Variants in RASGEF1C observed in about 807,000 individuals in gnomAD.
RASGEF1C encodes the protein RasGEF domain family member 1C, also known as ras-GEF domain-containing family member 1C.
In RASGEF1C, 27 loss-of-function variants were observed where a neutral mutation model predicts 58.1. The observed-to-expected ratio is 0.46, with a 90% CI of 0.34 to 0.64. The LOEUF (loss-of-function observed/expected upper bound fraction) is 0.64. Among genes scored for constraint, RASGEF1C ranks in the 30% least tolerant of loss-of-function variants. The pLI is 0.01. For missense variants in RASGEF1C, 502 were observed against 605.1 expected (o/e 0.83, Z 1.79); for synonymous variants, 243 against 246.3 (o/e 0.99, Z 0.13).
rs549573256 is a variant in RASGEF1C, at chr5:180,193,227, T to C, written c.-7+15801A>G. On this transcript the variant is annotated intron_variant, in intron 1 of 13. Coordinates refer to ENST00000361132, the MANE Select transcript of RASGEF1C (RefSeq NM_175062.4). The stretch of plus-strand genomic sequence containing the variant: ...CCCGCCACCGCACCCGGCTAATTTC[T>C]TGTATTTTTAGTAGAGACGGGGTTT... 2.3e-5 allele frequency among the ~76,000 whole-genome samples: 3 copies of C among 128,780 alleles called. No individual in the cohort carries two copies. The South Asian group carries it at 9.6e-4, about 41-fold the overall frequency. 84.5% of individuals were successfully genotyped at this position (128,780 alleles called of 152,430 possible). A position where few individuals can be genotyped will look rare whatever the true frequency, so the allele number is the denominator to read the frequency against.
Position 180,155,603 on chromosome 5 carries a change from G to T in RASGEF1C, c.-6-17545C>A, listed in dbSNP as rs1163858690. ...GGCCCGGCTTGCAGGCAATCTGTTG[G>T]ATGCGAGGCGACAGCACCAAGACCC... On this transcript the variant is annotated intron_variant, in intron 1 of 13. Coordinates refer to ENST00000361132, the MANE Select transcript of RASGEF1C (RefSeq NM_175062.4). The surrounding 1 kb of genome is among the most constrained non-coding windows in gnomAD (Gnocchi z 5.2). 6.6e-6 allele frequency among the ~76,000 whole-genome samples: 1 copy of T among 151,978 alleles called. No homozygotes were observed.
intron 5 of RASGEF1C, 55 bp downstream of exon 5, chr5:180,128,355 A>C: frequency 6.8e-6 from 10 of 1,481,442 alleles, no homozygotes; most frequent in Non-Finnish European, 9.4e-6. Context: ...GGCACAGTGT[A>C]TCTGTGTGTG....
chr5:180,111,132 A>G (rs1320442889), intron 12 of RASGEF1C, among the ~76,000 whole-genome samples: 1 of 152,134 alleles, frequency 6.6e-6, no homozygotes, highest in Non-Finnish European at 1.5e-5. Context: ...TCTTATCATC[A>G]TCCCCACTTT....
chr5:180,108,250 G>A (rs1226423273), intron 12 of RASGEF1C, among the ~76,000 whole-genome samples: 4 of 148,806 alleles, frequency 2.7e-5, no homozygotes, highest in African/African-American at 9.9e-5. Context: ...GGCCTAGGCT[G>A]GAGTGCAGTG....
Position 180,105,491 on chromosome 5 carries a change from G to A in RASGEF1C, c.1304-3348C>T, listed in dbSNP as rs1249975156. Among the ~76,000 whole-genome samples the A allele has an allele frequency of 4.6e-5, 7 of 152,168 alleles. 1 individual carries two copies. The South Asian group carries it at 6.2e-4, about 14-fold the overall frequency. ...GCAGGAGAATGGTGTGAACCCGGGA[G>A]GCGGAGGTTGCAGTGAGCCGCGACT... On this transcript the variant is annotated intron_variant, in intron 12 of 13. Coordinates refer to ENST00000361132, the MANE Select transcript of RASGEF1C (RefSeq NM_175062.4).
chr5:180,193,769 G>A (rs1302329703), intron 1 of RASGEF1C, among the ~76,000 whole-genome samples: 1 of 152,124 alleles, frequency 6.6e-6, no homozygotes, highest in Non-Finnish European at 1.5e-5. Flanking sequence ...ATTACAGACC[G>A]GCCATTAGAT....
chr5:180,118,815 A>G lies in RASGEF1C; in HGVS notation c.959T>C (p.Val320Ala), dbSNP rs1401955223. ...GAGGATGAAAAACTTGGCCGTCCTC[A>G]CTTTGGCCCAGGTCTTCTTCAGCCT... The part of the protein sequence containing the change: ...VSRLKKTWAK[V>A]RTAKFFILEH... Residue 320 changes from valine (V) to alanine (A), a missense_variant, in exon 9 of 14, where the codon GTG (valine) becomes GCG (alanine). Physicochemically the swap from Val to Ala is moderately conservative, Grantham distance 64. Coordinates refer to ENST00000361132, the MANE Select transcript of RASGEF1C (RefSeq NM_175062.4). 6.2e-7 allele frequency: 1 copy of G among 1,614,102 alleles called. No individual in the cohort carries two copies. Among genetic ancestry groups the G allele is most frequent in the Non-Finnish European group, 8.5e-7 (1 of 1,180,040 alleles).
intron 4 of RASGEF1C, among the ~76,000 whole-genome samples, chr5:180,130,288 G>A (rs1561737646): frequency 6.6e-6 from 1 of 152,184 alleles, no homozygotes; most frequent in South Asian, 2.1e-4. Context: ...GCGGGGTAGG[G>A]GGCAGGGGGC....
Position 180,156,920 on chromosome 5 carries a change from T to C in RASGEF1C, c.-6-18862A>G, listed in dbSNP as rs1325374624. Among the ~76,000 whole-genome samples, 1 of 152,078 alleles carries C rather than the reference T, an allele frequency of 6.6e-6. No homozygotes were observed. The highest frequency in any genetic ancestry group is 1.5e-5 in the Non-Finnish European group (1 of 68,014). On this transcript the variant is annotated intron_variant, in intron 1 of 13. Coordinates refer to ENST00000361132, the MANE Select transcript of RASGEF1C (RefSeq NM_175062.4). The surrounding 1 kb of genome is among the most constrained non-coding windows in gnomAD (Gnocchi z 4.9). ...GACGGAAAATAAGCATTTACAAAGG[T>C]GCTTCACATCATATGTCATCAGGGA...
At chr5:180,196,122 G>T (rs1462345022) in intron 1 of RASGEF1C, among the ~76,000 whole-genome samples, 8 of 152,114 alleles carry the variant, frequency 5.3e-5, no homozygotes, top group African/African-American at 1.2e-4. Flanking sequence ...CTATTCAATA[G>T]AACTCACTAG....
intron 12 of RASGEF1C, among the ~76,000 whole-genome samples, chr5:180,103,455 G>T (rs1443012125): frequency 7.9e-5 from 12 of 152,192 alleles, no homozygotes; most frequent in Admixed American, 7.9e-4. Flanking sequence ...GTGAGTGACT[G>T]TAAATGGTAT....
chr5:180,182,059 G>A (rs1035583112), intron 1 of RASGEF1C, among the ~76,000 whole-genome samples: 1 of 151,752 alleles, frequency 6.6e-6, no homozygotes, highest in Non-Finnish European at 1.5e-5. Context: ...AAAAAAATTA[G>A]CCGGGCATGG....
chr5:180,208,371 G>A (rs1010665939), intron 1 of RASGEF1C, among the ~76,000 whole-genome samples: 13 of 152,210 alleles, frequency 8.5e-5, no homozygotes, highest in Admixed American at 2.0e-4. Flanking sequence ...GCTGAGCATG[G>A]GGCGGCGTCG....
At chr5:180,142,433 T>C (rs1450318453) in intron 1 of RASGEF1C, among the ~76,000 whole-genome samples, 2 of 152,182 alleles carry the variant, frequency 1.3e-5, no homozygotes, top group Admixed American at 1.3e-4. Flanking sequence ...TTATGTTCTA[T>C]AGCGTCCTTT....
At chr5:180,145,980 TCTC>T (rs1314647867) in intron 1 of RASGEF1C, among the ~76,000 whole-genome samples, 3 of 152,262 alleles carry the variant, frequency 2.0e-5, no homozygotes, top group African/African-American at 4.8e-5. Context: ...GTAAATATCT[TCTC>T]CTATTCGGTA....
intron 5 of RASGEF1C, 71 bp from the exon 6 acceptor site, chr5:180,127,754 C>A: frequency 7.1e-7 from 1 of 1,414,960 alleles, no homozygotes; most frequent in South Asian, 1.3e-5. Flanking sequence ...GGGGGCCTGC[C>A]GTGGTGCCCC....
At chr5:180,128,160 A>C (rs1766295687) in intron 5 of RASGEF1C, among the ~76,000 whole-genome samples, 1 of 152,176 alleles carries the variant, frequency 6.6e-6, no homozygotes, top group Non-Finnish European at 1.5e-5. Flanking sequence ...GAGCGCGCTG[A>C]AGAGTGCCTG....
Position 180,157,086 on chromosome 5 carries a change from G to A in RASGEF1C, c.-6-19028C>T, listed in dbSNP as rs755737658. Among the ~76,000 whole-genome samples, 10 of 152,324 alleles carry A rather than the reference G, an allele frequency of 6.6e-5. No homozygotes were observed. In the East Asian group the frequency reaches 1.2e-3, roughly 18 times the overall value. ...GGTGAGAGGGCAATACAGTACAGGC[G>A]CTTTGCAATGCAGCTTGGCAGTTTC... is the stretch of plus-strand genomic sequence containing the variant. On this transcript the variant is annotated intron_variant, in intron 1 of 13. Transcript: ENST00000361132.
chr5:180,203,618 G>C (rs560533552), intron 1 of RASGEF1C, among the ~76,000 whole-genome samples: 1 of 152,060 alleles, frequency 6.6e-6, no homozygotes, highest in African/African-American at 2.4e-5. Flanking sequence ...GAAATGATGA[G>C]CTAATAAGCC....
Sources: allele counts gnomAD v4.1 joint callset (sites outside exome capture counted in the v4.1 genomes callset), GRCh38; gene constraint gnomAD v4.1.1; non-coding constraint Gnocchi (gnomAD v3.1); transcripts MANE v1.5; gene names NCBI Gene and HGNC (gene_info 2026-07-23, HGNC 2026-07-21).